Variants in PBX3 observed in about 807,000 individuals in gnomAD.
The protein encoded by PBX3 is PBX homeobox 3.
In PBX3, 14 loss-of-function variants were observed where a neutral mutation model predicts 48.5. The observed-to-expected ratio is 0.29, with a 90% CI of 0.19 to 0.45. The LOEUF is 0.45. PBX3 is among the 20% of genes least tolerant of loss of function. PBX3 has a pLI of 1.00. For missense variants in PBX3, 386 were observed against 546.7 expected (o/e 0.71, Z 2.93); for synonymous variants, 210 against 200.3 (o/e 1.05, Z -0.41).
intron 2 of PBX3, among the ~76,000 whole-genome samples, chr9:125,798,707 T>C (rs1423825536): frequency 6.6e-6 from 1 of 152,142 alleles, no homozygotes; most frequent in African/African-American, 2.4e-5. Flanking sequence ...CATGCCCTTA[T>C]GTCTTCCTGG....
intron 2 of PBX3, among the ~76,000 whole-genome samples, chr9:125,900,173 A>T (rs1055359022): frequency 6.6e-6 from 1 of 150,524 alleles, no homozygotes; most frequent in Non-Finnish European, 1.5e-5. Context: ...TTTAATAATG[A>T]TAGGATGGAG....
chr9:125,762,507 A>G (rs1304882844), intron 2 of PBX3, among the ~76,000 whole-genome samples: 2 of 152,078 alleles, frequency 1.3e-5, no homozygotes, highest in East Asian at 3.9e-4. Flanking sequence ...CTATATTTGC[A>G]TTCCAGAAAT....
At position 125,834,770 on chromosome 9, in the gene PBX3, C is replaced by A. The variant is rs534428020; in HGVS notation, c.275-80916C>A. Among the ~76,000 whole-genome samples the A allele has an allele frequency of 2.7e-5, 4 of 150,444 alleles. No homozygotes were observed. The South Asian group carries it at 8.4e-4, about 31-fold the overall frequency. ...GTGGCTCATGCCTGTAATCGCAGCA[C>A]TTTGGGAGGCTGAGGTGGGTGGATC... On this transcript the variant is annotated intron_variant, in intron 2 of 8. Transcript: ENST00000373489.
rs1348741371 is a variant in PBX3 at position 125,905,869 on chromosome 9, C to G, written c.275-9817C>G. 2.6e-5 allele frequency among the ~76,000 whole-genome samples: 4 copies of G among 152,062 alleles called. No individual in the cohort carries two copies. The East Asian group carries it at 5.8e-4, about 22-fold the overall frequency. On this transcript the variant is annotated intron_variant, in intron 2 of 8. Transcript: ENST00000373489. ...TGTGTTATTTGCTGCTGGGAAGATG[C>G]TCTGAAGCTTCTGCCATTGTCCTTT...
At chr9:125,748,522 C>T in intron 1 of PBX3, 28 bp from the exon 2 acceptor site, 2 of 1,610,658 alleles carry the variant, frequency 1.2e-6, no homozygotes, top group Non-Finnish European at 1.7e-6. Flanking sequence ...GATGCTAATA[C>T]CTTTGTGTTT....
chr9:125,916,379 C>G (rs1841334533), intron 3 of PBX3, among the ~76,000 whole-genome samples: 1 of 152,092 alleles, frequency 6.6e-6, no homozygotes, highest in African/African-American at 2.4e-5. Flanking sequence ...ATGGATTGTG[C>G]CAGACTATAG....
chr9:125,785,173 G>A (rs2132047207), intron 2 of PBX3, among the ~76,000 whole-genome samples: 1 of 152,236 alleles, frequency 6.6e-6, no homozygotes, highest in East Asian at 1.9e-4. Flanking sequence ...TCAGTTCTTG[G>A]GATGGTTAAT....
chr9:125,960,706 A>G lies in PBX3; in HGVS notation c.866A>G (p.Lys289Arg). 6.2e-7 allele frequency: 1 copy of G among 1,614,146 alleles called. No individual in the cohort carries two copies. Among genetic ancestry groups the G allele is most frequent in the Non-Finnish European group, 8.5e-7 (1 of 1,180,004 alleles). ...VSQVSNWFGN[K>R]RIRYKKNIGK... The stretch of plus-strand genomic sequence containing the variant: ...TAGGTATCCAATTGGTTTGGCAACA[A>G]ACGAATCAGGTACAAGAAGAACATT... Residue 289 changes from lysine (K) to arginine (R), a missense_variant, in exon 6 of 9, where the codon AAA (lysine) becomes AGA (arginine). By Grantham distance (26) the Lys-to-Arg change is conservative (BLOSUM62 2). Transcript: ENST00000373489.
chr9:125,780,579 GT>G (rs1837246644), intron 2 of PBX3, among the ~76,000 whole-genome samples: 1 of 139,952 alleles, frequency 7.1e-6, no homozygotes, highest in Non-Finnish European at 1.6e-5. Flanking sequence ...TCACTTCCCA[GT>G]AGGGGAGGCT....
At chr9:125,806,730 T>A (rs1199767973) in intron 2 of PBX3, among the ~76,000 whole-genome samples, 2 of 152,194 alleles carry the variant, frequency 1.3e-5, no homozygotes, top group Non-Finnish European at 2.9e-5. Flanking sequence ...GCTCAGTGTC[T>A]CATAAGTTAT....
chr9:125,780,300 C>T (rs1334031012), intron 2 of PBX3, among the ~76,000 whole-genome samples: 3 of 138,302 alleles, frequency 2.2e-5, no homozygotes, highest in African/African-American at 8.2e-5. Flanking sequence ...CTCCTCACTT[C>T]CCAGTAGGGG....
At chr9:125,845,862 A>G (rs1839414000) in intron 2 of PBX3, among the ~76,000 whole-genome samples, 2 of 152,156 alleles carry the variant, frequency 1.3e-5, no homozygotes, top group Admixed American at 1.3e-4. Flanking sequence ...ACAAATGTTG[A>G]AATAAATAAA....
intron 2 of PBX3, among the ~76,000 whole-genome samples, chr9:125,781,023 CTCACTTT>C (rs1191810430): frequency 8.4e-6 from 1 of 119,488 alleles, no homozygotes. Context: ...AGAGACGCTC[CTCACTTT>C]CCAGACTGGG....
At chr9:125,911,898 G>A (rs1841212427) in intron 2 of PBX3, among the ~76,000 whole-genome samples, 1 of 152,092 alleles carries the variant, frequency 6.6e-6, no homozygotes, top group African/African-American at 2.4e-5. Context: ...TATCTTCCCT[G>A]ATTATGGAAA....
chr9:125,855,495 T>G (rs911364876), intron 2 of PBX3, among the ~76,000 whole-genome samples: 2 of 152,164 alleles, frequency 1.3e-5, no homozygotes, highest in Admixed American at 6.5e-5. Context: ...GATCTTGACT[T>G]ACTTTCTTCA....
intron 2 of PBX3, among the ~76,000 whole-genome samples, chr9:125,790,915 ATT>A (rs762775562): frequency 1.1e-4 from 15 of 133,852 alleles, no homozygotes; most frequent in Admixed American, 1.5e-4. Context: ...TTACCCTAAT[ATT>A]TTTTTTTTTT....
At chr9:125,856,132 G>C (rs1339059628) in intron 2 of PBX3, among the ~76,000 whole-genome samples, 3 of 151,726 alleles carry the variant, frequency 2.0e-5, no homozygotes, top group Admixed American at 6.6e-5. Context: ...CAATGGACTT[G>C]GTAAAGTAAT....
At chr9:125,894,914 G>A (rs1840735432) in intron 2 of PBX3, among the ~76,000 whole-genome samples, 1 of 152,084 alleles carries the variant, frequency 6.6e-6, no homozygotes, top group African/African-American at 2.4e-5. Flanking sequence ...TTGCTAGTGT[G>A]TGGGAAAGGA....
chr9:125,965,834 A>G lies in PBX3; in HGVS notation c.1216A>G (p.Asn406Asp). 1 of 1,613,068 alleles carries G rather than the reference A, an allele frequency of 6.2e-7. No homozygotes were observed. Among genetic ancestry groups the G allele is most frequent in the Non-Finnish European group, 8.5e-7 (1 of 1,179,046 alleles). The change falls in exon 9 of 9, where the codon AAT becomes GAT. Residue 406 changes from asparagine to aspartate, a missense_variant. Asn to Asp is a conservative substitution (Grantham distance 23). Transcript: ENST00000373489. ...TGAACTGTGTTTCTCCTTTCAGGCT[A>G]ATGGAGGCTGGCAGGACGCAACAAC... ...SLYSPHNLNA[N>D]GGWQDATTPS...
Sources: allele counts gnomAD v4.1 joint callset (sites outside exome capture counted in the v4.1 genomes callset), GRCh38; gene constraint gnomAD v4.1.1; transcripts MANE v1.5; gene names NCBI Gene and HGNC (gene_info 2026-07-23, HGNC 2026-07-21).